NCKAP5: variants seen among roughly 807,000 people sequenced by gnomAD.
NCKAP5 encodes the protein nck-associated protein 5.
Under a neutral mutation model 167.0 loss-of-function variants are expected in NCKAP5, and 92 were observed. The observed-to-expected ratio is 0.55, with a 90% CI of 0.47 to 0.66. NCKAP5 has a LOEUF of 0.66. NCKAP5 is among the 30% of genes least tolerant of loss of function. NCKAP5 has a pLI of 0.00. For synonymous variants in NCKAP5, 891 were observed against 877.4 expected (o/e 1.02, Z -0.27); for missense variants, 2,378 against 2,315.0 (o/e 1.03, Z -0.56).
chr2:133,308,224 G>A (rs575185926), intron 3 of NCKAP5, among the ~76,000 whole-genome samples: 23 of 151,470 alleles, frequency 1.5e-4, no homozygotes, highest in African/African-American at 5.3e-4. Flanking sequence ...GAGTAGCTGG[G>A]ACTACAGGCG....
chr2:132,726,134 G>A (rs1328524861), intron 18 of NCKAP5, among the ~76,000 whole-genome samples: 1 of 152,092 alleles, frequency 6.6e-6, no homozygotes, highest in East Asian at 1.9e-4. Flanking sequence ...CAAACCTAAT[G>A]GCTTATTTAT....
chr2:133,526,247 AGGAGGGAGGGAGGGAAGGAG>A (rs1558755497), intron 2 of NCKAP5, among the ~76,000 whole-genome samples: 6 of 24,030 alleles, frequency 2.5e-4, no homozygotes, highest in African/African-American at 1.2e-3. Context: ...GAGGGAGGGA[AGGAGGGAGGGAGGGAAGGAG>A]GGAGGGAGGG....
At chr2:132,803,874 GA>G (rs140728356) in intron 11 of NCKAP5, among the ~76,000 whole-genome samples, 2,740 of 152,208 alleles carry the variant, frequency 0.018, 78 homozygotes, top group African/African-American at 0.063. Flanking sequence ...ACACAAAGGA[GA>G]AAAAAATACA....
chr2:132,912,535 T>TCTACAAAC (rs1041239810), intron 8 of NCKAP5, among the ~76,000 whole-genome samples: 8 of 152,196 alleles, frequency 5.3e-5, no homozygotes, highest in African/African-American at 1.9e-4. Flanking sequence ...TGTGTACATA[T>TCTACAAAC]CTACAAACTG....
intron 11 of NCKAP5, among the ~76,000 whole-genome samples, chr2:132,809,107 T>C (rs561653110): frequency 6.6e-6 from 1 of 152,308 alleles, no homozygotes; most frequent in East Asian, 1.9e-4. Context: ...GATTTCCAGT[T>C]TTATTCCACT....
At chr2:132,978,950 A>G (rs1027861606) in intron 7 of NCKAP5, among the ~76,000 whole-genome samples, 1 of 152,124 alleles carries the variant, frequency 6.6e-6, no homozygotes, top group African/African-American at 2.4e-5. Context: ...CACTGATGGG[A>G]GAGTCAGAAG....
intron 11 of NCKAP5, among the ~76,000 whole-genome samples, chr2:132,819,989 T>A (rs1312166140): frequency 6.6e-6 from 1 of 152,150 alleles, no homozygotes; most frequent in African/African-American, 2.4e-5. Flanking sequence ...GTTTCAAGGC[T>A]TTTATAAAGT....
At chr2:132,876,081 A>G (rs1299964290) in intron 9 of NCKAP5, among the ~76,000 whole-genome samples, 1 of 152,096 alleles carries the variant, frequency 6.6e-6, no homozygotes, top group African/African-American at 2.4e-5. Flanking sequence ...GAAGGATTGA[A>G]GAACATTTTG....
intron 8 of NCKAP5, among the ~76,000 whole-genome samples, chr2:132,924,153 G>C (rs926661841): frequency 6.6e-6 from 1 of 152,194 alleles, no homozygotes; most frequent in African/African-American, 2.4e-5. Context: ...GGCTTTTACA[G>C]TCCTGAAAAT....
intron 5 of NCKAP5, among the ~76,000 whole-genome samples, chr2:133,168,712 G>C (rs1307957159): frequency 2.0e-5 from 3 of 152,070 alleles, no homozygotes; most frequent in Non-Finnish European, 4.4e-5. Flanking sequence ...AAATATTTCA[G>C]ATATAATACA....
intron 7 of NCKAP5, among the ~76,000 whole-genome samples, chr2:132,985,963 A>G (rs1393756846): frequency 2.0e-5 from 3 of 152,150 alleles, no homozygotes; most frequent in Non-Finnish European, 4.4e-5. Context: ...CTATCAACAA[A>G]CAGAATTTTA....
chr2:133,367,986 C>T (rs1266607147), intron 3 of NCKAP5, among the ~76,000 whole-genome samples: 2 of 152,138 alleles, frequency 1.3e-5, no homozygotes, highest in African/African-American at 2.4e-5. Flanking sequence ...CCAGCCCAGC[C>T]AGATGCCCCC....
At position 132,896,600 on chromosome 2, in the gene NCKAP5, T is replaced by C. The variant is rs199898240; in HGVS notation, c.580-17684A>G. Among the ~76,000 whole-genome samples, 5 of 152,294 alleles carry C rather than the reference T, an allele frequency of 3.3e-5. No individual in the cohort carries two copies. The East Asian group carries it at 7.7e-4, about 23-fold the overall frequency. Reference sequence around the variant, plus strand: ...CTCAGCTCAGGTGCAATAATAGACATGTAGACTGAGAAGCTGGCAGCCACC... The same window carrying C: ...CTCAGCTCAGGTGCAATAATAGACACGTAGACTGAGAAGCTGGCAGCCACC... On this transcript the variant is annotated intron_variant, in intron 8 of 19. Coordinates refer to ENST00000409261, the MANE Select transcript of NCKAP5 (RefSeq NM_207363.3).
In NCKAP5 at chr2:132,784,862, C is replaced by A; in HGVS notation, c.1949G>T (p.Ser650Ile). 1.3e-6 allele frequency: 2 copies of A among 1,561,752 alleles called. No individual in the cohort carries two copies. Among genetic ancestry groups the A allele is most frequent in the Non-Finnish European group, 1.7e-6 (2 of 1,154,670 alleles). Residue 650 changes from serine (S) to isoleucine (I), a missense_variant, in exon 14 of 20, where the codon AGT (serine) becomes ATT (isoleucine). By Grantham distance (142) the Ser-to-Ile change is moderately radical. This residue lies in a region of NCKAP5 where 1,049 missense variants were observed against 1,023.4 expected (regional missense o/e 1.02). Transcript: ENST00000409261. The stretch of plus-strand genomic sequence containing the variant: ...TACAACTCTTTGCTGCTTAATGAAA[C>A]TAAAAGTCTTTGGCCTAGTCTCTGA... Reference protein sequence around the residue: ...IPSETRPKTFSFIKQQRVVKR... With the variant: ...IPSETRPKTFIFIKQQRVVKR...
chr2:133,531,991 G>A (rs556776397), intron 2 of NCKAP5, among the ~76,000 whole-genome samples: 1 of 152,282 alleles, frequency 6.6e-6, no homozygotes, highest in Admixed American at 6.5e-5. Flanking sequence ...TAGTAGGAAA[G>A]CATTCTTGCT....
intron 5 of NCKAP5, among the ~76,000 whole-genome samples, chr2:133,162,505 C>A (rs2083835273): frequency 1.3e-5 from 2 of 152,110 alleles, no homozygotes; most frequent in South Asian, 4.1e-4. Flanking sequence ...TTATTCATCC[C>A]TGTAAATATA....
At chr2:133,554,883 G>T (rs757095133) in intron 2 of NCKAP5, among the ~76,000 whole-genome samples, 4 of 152,098 alleles carry the variant, frequency 2.6e-5, no homozygotes, top group Non-Finnish European at 5.9e-5. Context: ...ACAAGTCAGA[G>T]GTATCTAGGT....
At chr2:133,101,868 A>G (rs2081524501) in intron 6 of NCKAP5, among the ~76,000 whole-genome samples, 1 of 152,138 alleles carries the variant, frequency 6.6e-6, no homozygotes, top group Non-Finnish European at 1.5e-5. Flanking sequence ...AGGGTGCGCA[A>G]TTGCAGAATG....
At chr2:132,964,701 T>C (rs2076610417) in intron 7 of NCKAP5, among the ~76,000 whole-genome samples, 1 of 152,198 alleles carries the variant, frequency 6.6e-6, no homozygotes, top group Admixed American at 6.5e-5. Context: ...AACACAATGC[T>C]GCAGAAATCT....
Sources: gnomAD v4.1 joint callset for allele counts (sites outside exome capture counted in the v4.1 genomes callset) on GRCh38, gnomAD v4.1.1 for gene constraint, gnomAD v4.1.1 regional missense constraint, MANE v1.5 for transcripts, NCBI Gene and HGNC (gene_info 2026-07-23, HGNC 2026-07-21) for gene names.